Variants in RORA observed in about 807,000 individuals in gnomAD.
RORA encodes RAR related orphan receptor A, also known as nuclear receptor ROR-alpha.
In RORA, 7 loss-of-function variants were observed where a neutral mutation model predicts 69.5. The ratio of observed to expected loss-of-function variants is 0.10; its 90% confidence interval spans 0.06 to 0.19. The LOEUF (loss-of-function observed/expected upper bound fraction) is 0.19, where lower values mean the gene tolerates loss of function less well. RORA is among the 10% of genes least tolerant of loss of function. The pLI, the probability that RORA is intolerant of heterozygous loss-of-function variation, is 1.00. For synonymous variants in RORA, 261 were observed against 240.8 expected (o/e 1.08, Z -0.78); for missense variants, 457 against 663.0 (o/e 0.69, Z 3.41).
At chr15:61,151,626 C>T (rs1459203939) in intron 1 of RORA, among the ~76,000 whole-genome samples, 1 of 152,178 alleles carries the variant, frequency 6.6e-6, no homozygotes, top group Non-Finnish European at 1.5e-5. Flanking sequence ...GAACTGCACA[C>T]CTCTGATTTT....
intron 2 of RORA, among the ~76,000 whole-genome samples, chr15:60,629,379 G>A (rs1596078770): frequency 1.3e-5 from 2 of 151,944 alleles, no homozygotes; most frequent in Admixed American, 6.6e-5. Flanking sequence ...TAGATACGAG[G>A]TTTTGCCATG....
intron 1 of RORA, among the ~76,000 whole-genome samples, chr15:60,893,695 C>G (rs1891144624): frequency 6.6e-6 from 1 of 152,092 alleles, no homozygotes; most frequent in South Asian, 2.1e-4. Context: ...GGTGACAAAG[C>G]CTCTAGGGGA....
At chr15:60,773,470 G>A (rs2072109281) in intron 1 of RORA, among the ~76,000 whole-genome samples, 1 of 151,992 alleles carries the variant, frequency 6.6e-6, no homozygotes, top group African/African-American at 2.4e-5. Flanking sequence ...GCTGAGTTAT[G>A]AACTTCAAAA....
chr15:60,661,547 G>T (rs1310643298), intron 2 of RORA, among the ~76,000 whole-genome samples: 1 of 152,150 alleles, frequency 6.6e-6, no homozygotes, highest in African/African-American at 2.4e-5. Flanking sequence ...GAAGCTGTTG[G>T]AACCATGGAA....
chr15:60,755,852 C>T (rs1001597315), intron 1 of RORA, among the ~76,000 whole-genome samples: 3 of 152,164 alleles, frequency 2.0e-5, no homozygotes, highest in Non-Finnish European at 4.4e-5. Flanking sequence ...AAATCATGTC[C>T]ACTCCATTCC....
chr15:60,860,468 G>A (rs1375094220), intron 1 of RORA, among the ~76,000 whole-genome samples: 4 of 152,150 alleles, frequency 2.6e-5, no homozygotes, highest in Non-Finnish European at 5.9e-5. Context: ...TTGACCCAAC[G>A]TTTAGCATAA....
chr15:60,604,891 A>G (rs1363005106), intron 2 of RORA, among the ~76,000 whole-genome samples: 1 of 152,194 alleles, frequency 6.6e-6, no homozygotes, highest in Non-Finnish European at 1.5e-5. Context: ...CATGAAACCC[A>G]TTAGTATCTG....
At chr15:60,568,459 T>C (rs2067779490) in intron 2 of RORA, among the ~76,000 whole-genome samples, 1 of 152,216 alleles carries the variant, frequency 6.6e-6, no homozygotes. Flanking sequence ...TGATCTATTC[T>C]CAAGACCCAA....
At chr15:60,779,894 G>A (rs970576031) in intron 1 of RORA, among the ~76,000 whole-genome samples, 2 of 152,178 alleles carry the variant, frequency 1.3e-5, no homozygotes, top group African/African-American at 2.4e-5. Flanking sequence ...GCCTCAACTC[G>A]AAGGGTGGAG....
At chr15:60,561,066 T>TTTTTG (rs906918486) in intron 2 of RORA, among the ~76,000 whole-genome samples, 64 of 131,714 alleles carry the variant, frequency 4.9e-4, no homozygotes, top group Middle Eastern at 3.6e-3. Flanking sequence ...GTTTTTTTTT[T>TTTTTG]TTTTGTTTTG....
chr15:60,875,049 C>T (rs1342947008), intron 1 of RORA, among the ~76,000 whole-genome samples: 2 of 152,072 alleles, frequency 1.3e-5, no homozygotes, highest in African/African-American at 4.8e-5. Flanking sequence ...ACAACAAAAA[C>T]ACTGAGACTC....
At chr15:60,766,561 G>T (rs764014709) in intron 1 of RORA, among the ~76,000 whole-genome samples, 1 of 152,094 alleles carries the variant, frequency 6.6e-6, no homozygotes, top group Non-Finnish European at 1.5e-5. Flanking sequence ...AAGCATCAAA[G>T]TTCCCTGTAT....
intron 2 of RORA, chr15:60,592,461 C>G: frequency 1.4e-6 from 2 of 1,382,972 alleles, no homozygotes; most frequent in Non-Finnish European, 1.9e-6. Flanking sequence ...GATGGTCCGA[C>G]CCCGGAGCCC....
chr15:61,093,721 G>A (rs1257901255), intron 1 of RORA, among the ~76,000 whole-genome samples: 5 of 152,216 alleles, frequency 3.3e-5, no homozygotes, highest in Non-Finnish European at 7.3e-5. Flanking sequence ...CTGTTCTCAT[G>A]ACCCATAACT....
chr15:60,492,184 G>A lies in RORA; in HGVS notation c.*5271C>T, dbSNP rs2065053229. 6.6e-6 allele frequency: 1 copy of A among 152,100 alleles called. No homozygotes were observed. Among genetic ancestry groups the A allele is most frequent in the East Asian group, 1.9e-4 (1 of 5,198 alleles). 9.4% of individuals were successfully genotyped at this position (152,100 alleles called of 1,614,324 possible). A position where few individuals can be genotyped will look rare whatever the true frequency, so the allele number is the denominator to read the frequency against. On this transcript the variant is annotated 3_prime_UTR_variant, in exon 11 of 11. Transcript: ENST00000335670. ...AGATTATGTTCCTCTATCATAGTAA[G>A]AAAATATATAAATCTTCTTGTGAAT...
At chr15:60,879,370 C>A (rs1216809907) in intron 1 of RORA, among the ~76,000 whole-genome samples, 1 of 151,020 alleles carries the variant, frequency 6.6e-6, no homozygotes, top group African/African-American at 2.4e-5. Context: ...ACCCATACAT[C>A]ATAGGACTGT....
At chr15:60,868,986 T>G (rs554217533) in intron 1 of RORA, among the ~76,000 whole-genome samples, 13 of 152,296 alleles carry the variant, frequency 8.5e-5, no homozygotes, top group Non-Finnish European at 1.9e-4. Context: ...CCAGAACCCA[T>G]GCCAAACATG....
At chr15:60,878,169 A>G (rs947127956) in intron 1 of RORA, among the ~76,000 whole-genome samples, 3 of 120,000 alleles carry the variant, frequency 2.5e-5, no homozygotes, top group African/African-American at 1.1e-4. Context: ...TACTAAAAAT[A>G]CAAAAAAAAA....
intron 1 of RORA, among the ~76,000 whole-genome samples, chr15:61,138,176 A>G (rs1227200421): frequency 6.6e-6 from 1 of 152,204 alleles, no homozygotes; most frequent in Non-Finnish European, 1.5e-5. Flanking sequence ...GTTCTTGGTA[A>G]TCCAAGAAAG....
Sources: allele counts gnomAD v4.1 joint callset (sites outside exome capture counted in the v4.1 genomes callset), GRCh38; gene constraint gnomAD v4.1.1; transcripts MANE v1.5; gene names NCBI Gene and HGNC (gene_info 2026-07-23, HGNC 2026-07-21).